Variants in RBFOX2 observed in about 807,000 individuals in gnomAD.
The protein encoded by RBFOX2 is RNA binding fox-1 homolog 2, also known as RNA binding protein fox-1 homolog 2.
RBFOX2 carries 10 observed loss-of-function variants against 49.1 expected under a neutral mutation model. That is an observed-to-expected ratio of 0.20 (90% CI 0.13 to 0.35). RBFOX2 has a LOEUF of 0.35. Among genes scored for constraint, RBFOX2 ranks in the 10% least tolerant of loss-of-function variants. The pLI, the probability that RBFOX2 is intolerant of heterozygous loss-of-function variation, is 1.00. For synonymous variants in RBFOX2, 183 were observed against 187.4 expected, an observed-to-expected ratio of 0.98 and a Z score of 0.19; for missense variants, 323 against 486.9, an observed-to-expected ratio of 0.66 and a Z score of 3.17.
upstream of RBFOX2, among the ~76,000 whole-genome samples, chr22:35,963,783 T>C (rs1239722749): frequency 6.6e-6 from 1 of 152,196 alleles, no homozygotes; most frequent in Non-Finnish European, 1.5e-5. Context: ...TCTCACTCTG[T>C]CGCCCAGGCT....
intron 1 of RBFOX2, among the ~76,000 whole-genome samples, chr22:35,830,095 C>G (rs958296130): frequency 2.6e-5 from 4 of 152,172 alleles, no homozygotes; most frequent in Admixed American, 6.5e-5. Flanking sequence ...TTACAAGTGA[C>G]TACCCAATTT....
intron 1 of RBFOX2, among the ~76,000 whole-genome samples, chr22:35,885,180 AGAG>A (rs1007877590): frequency 1.3e-5 from 2 of 152,200 alleles, no homozygotes; most frequent in African/African-American, 4.8e-5. Context: ...TAAATATAGC[AGAG>A]GAGAACACAG....
At chr22:35,763,841 T>C (rs1408186990) in intron 6 of RBFOX2, among the ~76,000 whole-genome samples, 1 of 152,196 alleles carries the variant, frequency 6.6e-6, no homozygotes, top group Non-Finnish European at 1.5e-5. Context: ...TTTATAAATA[T>C]GAAAACAGAA....
At chr22:35,818,599 C>T (rs1416782136) in intron 1 of RBFOX2, among the ~76,000 whole-genome samples, 1 of 152,034 alleles carries the variant, frequency 6.6e-6, no homozygotes, top group Non-Finnish European at 1.5e-5. Flanking sequence ...GCCTGGGCAA[C>T]ATAGCGAGAC....
intron 1 of RBFOX2, among the ~76,000 whole-genome samples, chr22:35,905,863 A>G (rs2049070796): frequency 6.6e-6 from 1 of 152,188 alleles, no homozygotes; most frequent in Admixed American, 6.5e-5. Context: ...GTAAGATGAT[A>G]ATGCCATGTT....
At chr22:35,814,721 AAAAAAAAAAAAAAAAG>A (rs1231487312) in intron 1 of RBFOX2, among the ~76,000 whole-genome samples, 10 of 150,052 alleles carry the variant, frequency 6.7e-5, no homozygotes, top group Non-Finnish European at 7.4e-5. Flanking sequence ...AAAAAAAAAA[AAAAAAAAAAAAAAAAG>A]AAAAGAAAAG....
upstream of RBFOX2, chr22:35,961,723 A>G (rs2056228120): frequency 7.9e-7 from 1 of 1,272,166 alleles, no homozygotes; most frequent in Non-Finnish European, 1.0e-6. Flanking sequence ...AGCAGGATAC[A>G]CAAAAAGGTT....
chr22:35,856,013 A>G (rs1347106413), intron 1 of RBFOX2, among the ~76,000 whole-genome samples: 1 of 145,424 alleles, frequency 6.9e-6, no homozygotes, highest in African/African-American at 2.5e-5. Context: ...TCTCAGGAAG[A>G]AAAAAAAAAA....
intron 1 of RBFOX2, among the ~76,000 whole-genome samples, chr22:35,922,205 G>C (rs891035428): frequency 6.6e-6 from 1 of 152,190 alleles, no homozygotes; most frequent in Non-Finnish European, 1.5e-5. Context: ...TTTCATTTTA[G>C]AAATGGCTAG....
At chr22:35,849,053 G>A (rs1008071356) in intron 1 of RBFOX2, among the ~76,000 whole-genome samples, 40 of 151,996 alleles carry the variant, frequency 2.6e-4, no homozygotes, top group Admixed American at 2.6e-3. Context: ...TAACAAATAA[G>A]ATGTTACTAA....
chr22:35,764,603 A>C (rs955613156), intron 6 of RBFOX2, among the ~76,000 whole-genome samples: 9 of 150,706 alleles, frequency 6.0e-5, no homozygotes, highest in Non-Finnish European at 1.2e-4. Flanking sequence ...AAAAAAAAAA[A>C]CTCCAGCAGA....
chr22:35,790,487 C>G (rs552659742), intron 2 of RBFOX2, among the ~76,000 whole-genome samples: 8 of 152,156 alleles, frequency 5.3e-5, no homozygotes, highest in African/African-American at 1.4e-4. Context: ...GACATGGCAA[C>G]TAACTACAGT....
chr22:35,866,672 C>G (rs1652021358), intron 1 of RBFOX2, among the ~76,000 whole-genome samples: 1 of 152,086 alleles, frequency 6.6e-6, no homozygotes, highest in Non-Finnish European at 1.5e-5. Context: ...CCCAGACTTG[C>G]AACTAAAGGA....
At chr22:35,968,293 T>C (rs949959285) in intron 1 of RBFOX2, among the ~76,000 whole-genome samples, 5 of 152,214 alleles carry the variant, frequency 3.3e-5, no homozygotes, top group Non-Finnish European at 7.3e-5. Context: ...CAACAAGTTT[T>C]TAAAGTAAAC....
intron 9 of RBFOX2, 75 bp from the exon 11 acceptor site, chr22:35,756,219 C>T: frequency 2.2e-6 from 3 of 1,371,072 alleles, no homozygotes; most frequent in African/African-American, 1.5e-5. Context: ...TTGAGGACGG[C>T]AGCATGCACA....
At chr22:35,760,067 T>C (rs770864985) in intron 8 of RBFOX2, 47 bp from the exon 10 acceptor site, 19 of 1,608,112 alleles carry the variant, frequency 1.2e-5, no homozygotes, top group Non-Finnish European at 1.4e-5. Context: ...TTGCATTCAA[T>C]AGAAGGTGCA....
intron 1 of RBFOX2, among the ~76,000 whole-genome samples, chr22:36,009,032 C>T (rs1223955007): frequency 6.6e-6 from 1 of 152,138 alleles, no homozygotes; most frequent in South Asian, 2.1e-4. Context: ...AACTGACTCT[C>T]GTCATATATT....
chr22:35,835,011 T>C (rs990559344), intron 1 of RBFOX2, among the ~76,000 whole-genome samples: 1 of 152,214 alleles, frequency 6.6e-6, no homozygotes, highest in African/African-American at 2.4e-5. Context: ...TACATTGTGA[T>C]GGCAGAATGC....
chr22:35,789,548 AAAAG>A lies in RBFOX2; in HGVS notation c.253-7806_253-7803del, dbSNP rs1254556315. On this transcript the variant is annotated intron_variant, in intron 2 of 11. Coordinates refer to ENST00000405409, the Ensembl canonical transcript of RBFOX2. ...ACAGAGCAAGACTCCATCTCAAAAA[AAAAG>A]AAAAAGATGTAGACCTTTATTTTTT... 3.9e-5 allele frequency among the ~76,000 whole-genome samples: 6 copies of A among 152,338 alleles called. No homozygotes were observed. The East Asian group carries it at 1.2e-3, about 29-fold the overall frequency.
Sources: allele counts gnomAD v4.1 joint callset (sites outside exome capture counted in the v4.1 genomes callset), GRCh38; gene constraint gnomAD v4.1.1; transcripts MANE v1.5; gene names NCBI Gene and HGNC (gene_info 2026-07-23, HGNC 2026-07-21).